VMP1: variants seen among roughly 807,000 people sequenced by gnomAD.
The protein encoded by VMP1 is vacuole membrane protein 1.
In VMP1, 11 loss-of-function variants were observed where a neutral mutation model predicts 56.0. That is an observed-to-expected ratio of 0.20 (90% CI 0.12 to 0.32). The LOEUF (loss-of-function observed/expected upper bound fraction) is 0.32. VMP1 is among the 10% of genes least tolerant of loss of function. The pLI, the probability that VMP1 is intolerant of heterozygous loss-of-function variation, is 1.00. For synonymous variants in VMP1, 149 were observed against 165.0 expected (o/e 0.90, Z 0.74); for missense variants, 296 against 490.3 (o/e 0.60, Z 3.74).
In VMP1 at chr17:59,807,486, C is replaced by T. The variant is rs545227502; in HGVS notation, c.715-1310C>T. On this transcript the variant is annotated intron_variant, in intron 7 of 11. Coordinates refer to ENST00000262291, the MANE Select transcript of VMP1 (RefSeq NM_030938.5). Reference sequence around the variant, plus strand: ...TGCTGGGATTACAGGCCTGAGCCACCGCGCCCGGCCGGATCTGTCCACCTT... The same window carrying T: ...TGCTGGGATTACAGGCCTGAGCCACTGCGCCCGGCCGGATCTGTCCACCTT... Among the ~76,000 whole-genome samples the T allele has an allele frequency of 4.8e-3, 732 of 151,916 alleles. 8 individuals are homozygous for T. The highest frequency in any genetic ancestry group is 0.017 in the African/African-American group (698 of 41,470).
At chr17:59,757,590 T>C (rs1473360245) in intron 5 of VMP1, among the ~76,000 whole-genome samples, 2 of 152,122 alleles carry the variant, frequency 1.3e-5, no homozygotes, top group African/African-American at 4.8e-5. Flanking sequence ...ATCTTACCCT[T>C]TCATCTAAGT....
intron 8 of VMP1, among the ~76,000 whole-genome samples, chr17:59,809,304 CTTTTTTTTTT>C (rs57274450): frequency 6.9e-4 from 23 of 33,456 alleles, no homozygotes; most frequent in Middle Eastern, 0.033. Context: ...GCCCATTCAA[CTTTTTTTTTT>C]TTTTTTTTTT....
At chr17:59,768,117 AAATT>A (rs1337872645) in intron 6 of VMP1, among the ~76,000 whole-genome samples, 3 of 152,152 alleles carry the variant, frequency 2.0e-5, no homozygotes, top group Admixed American at 6.6e-5. Context: ...CTCAAAAAAA[AAATT>A]AATTAATTTT....
At chr17:59,747,484 G>A (rs1598331207) in intron 5 of VMP1, among the ~76,000 whole-genome samples, 2 of 149,016 alleles carry the variant, frequency 1.3e-5, no homozygotes, top group Middle Eastern at 3.4e-3. Context: ...ATCTCGGCTC[G>A]CCACAACTTC....
intron 7 of VMP1, among the ~76,000 whole-genome samples, chr17:59,799,300 G>C (rs899209490): frequency 6.6e-6 from 1 of 152,050 alleles, no homozygotes; most frequent in Admixed American, 6.6e-5. Context: ...TCTGCTTGCA[G>C]TATTATAGAG....
intron 6 of VMP1, among the ~76,000 whole-genome samples, chr17:59,769,807 G>A (rs1294929190): frequency 1.3e-5 from 2 of 151,994 alleles, no homozygotes; most frequent in Non-Finnish European, 2.9e-5. Flanking sequence ...TTTATGTTTT[G>A]TTTTGAATAT....
rs140437376 is a variant in VMP1 at position 59,808,475 on chromosome 17, C to T, written c.715-321C>T. ...AAAGGAAAAGGTAGATGTTGTAGGCCAGTGTTTCCAAAATAATAAATTGGT... is the reference window on the plus strand; with the variant it reads ...AAAGGAAAAGGTAGATGTTGTAGGCTAGTGTTTCCAAAATAATAAATTGGT... On this transcript the variant is annotated intron_variant, in intron 7 of 11. Coordinates refer to ENST00000262291, the MANE Select transcript of VMP1 (RefSeq NM_030938.5). Among the ~76,000 whole-genome samples, 598 of 152,250 alleles carry T rather than the reference C, an allele frequency of 3.9e-3. 2 individuals are homozygous for T. Among genetic ancestry groups the T allele is most frequent in the East Asian group, 0.011 (57 of 5,188 alleles).
intron 2 of VMP1, among the ~76,000 whole-genome samples, chr17:59,733,223 G>C (rs2034900052): frequency 2.0e-5 from 3 of 151,840 alleles, no homozygotes; most frequent in Non-Finnish European, 1.5e-5. Flanking sequence ...TGGCTGCTTA[G>C]TTTTTCTTTC....
In VMP1 at chr17:59,783,748, C is replaced by T. The variant is rs145196333; in HGVS notation, c.714+9863C>T. 3.7e-3 allele frequency among the ~76,000 whole-genome samples: 568 copies of T among 152,242 alleles called. 3 individuals carry two copies. Among genetic ancestry groups the T allele is most frequent in the African/African-American group, 0.013 (546 of 41,544 alleles). The stretch of plus-strand genomic sequence containing the variant: ...ATCTCCATAGTATCTTACATGCCCT[C>T]TCTTCTCCCTTCCCGCTACTGTTTC... On this transcript the variant is annotated intron_variant, in intron 7 of 11. Coordinates refer to ENST00000262291, the MANE Select transcript of VMP1 (RefSeq NM_030938.5).
intron 5 of VMP1, among the ~76,000 whole-genome samples, chr17:59,747,519 C>T (rs906481894): frequency 3.3e-5 from 5 of 151,202 alleles, no homozygotes; most frequent in African/African-American, 7.3e-5. Flanking sequence ...AAGTGATTCT[C>T]CTGCCTCAGC....
intron 7 of VMP1, among the ~76,000 whole-genome samples, chr17:59,775,937 G>A (rs1225545081): frequency 6.6e-6 from 1 of 152,134 alleles, no homozygotes; most frequent in Non-Finnish European, 1.5e-5. Context: ...AAGTCAGATA[G>A]GCTTTTTAAA....
rs1278821216 is a variant in VMP1, at chr17:59,773,056, G to A, written c.583-698G>A. Reference sequence around the variant, plus strand: ...AGCTCCCTGCAACCTCCGCCTCCCAGGTTCAAGCAATTTTCCTGCCTCAGC... The same window carrying A: ...AGCTCCCTGCAACCTCCGCCTCCCAAGTTCAAGCAATTTTCCTGCCTCAGC... On this transcript the variant is annotated intron_variant, in intron 6 of 11. Coordinates refer to ENST00000262291, the MANE Select transcript of VMP1 (RefSeq NM_030938.5). Among the ~76,000 whole-genome samples the A allele has an allele frequency of 2.2e-5, 3 of 136,736 alleles. No homozygotes were observed. The Admixed American group carries it at 2.5e-4, about 12-fold the overall frequency. The allele number at this position is 136,736 out of a possible 152,430, so 89.7% of individuals were successfully genotyped here.
At chr17:59,807,301 C>T (rs1479173143) in intron 7 of VMP1, among the ~76,000 whole-genome samples, 1 of 151,504 alleles carries the variant, frequency 6.6e-6, no homozygotes, top group East Asian at 2.0e-4. Context: ...GGGTTTGCAC[C>T]ATTCTCCTGC....
intron 9 of VMP1, among the ~76,000 whole-genome samples, chr17:59,812,702 G>C (rs550370730): frequency 6.6e-6 from 1 of 152,336 alleles, no homozygotes; most frequent in East Asian, 1.9e-4. Context: ...GGAGGCTGAA[G>C]TGGGCAGATC....
chr17:59,729,381 G>T (rs2034730894), intron 1 of VMP1, among the ~76,000 whole-genome samples: 1 of 151,484 alleles, frequency 6.6e-6, no homozygotes, highest in African/African-American at 2.4e-5. Context: ...TACCTGGGAG[G>T]CTGAGGCAGG....
chr17:59,711,011 T>G (rs559348421), intron 1 of VMP1, among the ~76,000 whole-genome samples: 1 of 151,738 alleles, frequency 6.6e-6, no homozygotes, highest in East Asian at 1.9e-4. Flanking sequence ...AGGCGGAGGT[T>G]GCAGTGAGCC....
intron 1 of VMP1, among the ~76,000 whole-genome samples, chr17:59,709,623 A>T (rs2033829273): frequency 6.6e-6 from 1 of 152,214 alleles, no homozygotes; most frequent in African/African-American, 2.4e-5. Context: ...ATTATCTGAA[A>T]ATATTATCAC....
At chr17:59,719,379 A>C (rs1215321936) in intron 1 of VMP1, among the ~76,000 whole-genome samples, 1 of 152,182 alleles carries the variant, frequency 6.6e-6, no homozygotes, top group Non-Finnish European at 1.5e-5. Flanking sequence ...ACTGAGAAGC[A>C]TAATACTTAT....
intron 5 of VMP1, among the ~76,000 whole-genome samples, chr17:59,764,110 A>T (rs2036151425): frequency 6.6e-6 from 1 of 152,204 alleles, no homozygotes; most frequent in Non-Finnish European, 1.5e-5. Flanking sequence ...GAAAGGTTAC[A>T]TGAGGTGGTA....
Sources: allele counts gnomAD v4.1 joint callset (sites outside exome capture counted in the v4.1 genomes callset), GRCh38; gene constraint gnomAD v4.1.1; transcripts MANE v1.5; gene names NCBI Gene and HGNC (gene_info 2026-07-23, HGNC 2026-07-21).